Variants in RNF17 observed in about 807,000 individuals in gnomAD.
RNF17 encodes ring finger protein 17.
A neutral mutation model predicts 200.5 loss-of-function variants in RNF17; 31 were observed. The observed-to-expected ratio is 0.15, with a 90% CI of 0.12 to 0.21. The LOEUF is 0.21. Ranked by LOEUF, RNF17 falls within the 10% of genes least tolerant of loss-of-function variation. The probability of loss-of-function intolerance (pLI) is 1.00; values close to 1 mark genes in which losing one functional copy is unlikely to be tolerated. For missense variants in RNF17, 1,628 were observed against 1,905.1 expected (o/e 0.85, Z 2.71); for synonymous variants, 606 against 637.8 (o/e 0.95, Z 0.75).
At chr13:24,813,961 C>T (rs1409778515) in intron 15 of RNF17, among the ~76,000 whole-genome samples, 1 of 151,638 alleles carries the variant, frequency 6.6e-6, no homozygotes, top group African/African-American at 2.4e-5. Flanking sequence ...GACACTCAGT[C>T]TGCGTTTATC....
At chr13:24,863,671 C>T (rs17081281) in intron 28 of RNF17, among the ~76,000 whole-genome samples, 6,654 of 152,250 alleles carry the variant, frequency 0.044, 457 homozygotes, top group African/African-American at 0.15. Context: ...TACTAAGAGT[C>T]CCTCCCTAGT....
rs1351993035 is a variant in RNF17 at position 24,879,231 on chromosome 13, G to A, written c.4818G>A (p.Gln1606=). 11 of 1,613,714 alleles carry A rather than the reference G, an allele frequency of 6.8e-6. No homozygotes were observed. Among genetic ancestry groups the A allele is most frequent in the Admixed American group, 1.7e-5 (1 of 59,994 alleles). ...EQIVTLYDDE[Q]HPVHMPLVEM... is the part of the protein sequence containing the mutation. The stretch of plus-strand genomic sequence containing the variant: ...TAGTGACATTATATGACGATGAACA[G>A]CATCCAGTTCATATGCCGTTGGTAG... The change falls in exon 35 of 36, where the codon CAG becomes CAA. Residue 1606 remains glutamine, a synonymous_variant. Coordinates refer to ENST00000255324, the MANE Select transcript of RNF17 (RefSeq NM_031277.3).
intron 23 of RNF17, among the ~76,000 whole-genome samples, chr13:24,850,833 T>C (rs1051145135): frequency 1.3e-5 from 2 of 152,352 alleles, no homozygotes; most frequent in Admixed American, 1.3e-4. Context: ...TGCAAAAGAA[T>C]AAAGAAACTT....
At chr13:24,765,901 T>G (rs570364733) in intron 1 of RNF17, among the ~76,000 whole-genome samples, 1 of 152,338 alleles carries the variant, frequency 6.6e-6, no homozygotes, top group South Asian at 2.1e-4. Flanking sequence ...GTATTTCAGT[T>G]GGATAGGAAA....
At chr13:24,754,880 A>AGT in the RNF17 span, among the ~76,000 whole-genome samples, 1 of 151,418 alleles carries the variant, frequency 6.6e-6, no homozygotes, top group African/African-American at 2.4e-5. Flanking sequence ...TGGGTGACAG[A>AGT]GTAAGACCCT....
chr13:24,813,659 C>T (rs1887029824), intron 15 of RNF17, among the ~76,000 whole-genome samples: 1 of 151,816 alleles, frequency 6.6e-6, no homozygotes, highest in Non-Finnish European at 1.5e-5. Context: ...GAGACAAGGT[C>T]CAGCACTGTT....
At position 24,779,742 on chromosome 13, in the gene RNF17, G is replaced by C; in HGVS notation, c.505G>C (p.Gly169Arg). 1 of 1,610,974 alleles carries C rather than the reference G, an allele frequency of 6.2e-7. No homozygotes were observed. Among genetic ancestry groups the C allele is most frequent in the African/African-American group, 1.3e-5 (1 of 74,972 alleles). The change falls in exon 5 of 36, where the codon GGA becomes CGA. Residue 169 changes from glycine to arginine, a missense_variant. Transcript: ENST00000255324. ...TAGTTTCGAACAGTTAAGCATTGCT[G>C]GAAAAGTAAGCACTTTGCAGGATTA... Reference protein sequence around the residue: ...HHSFEQLSIAGKALEHMQKQT... With the variant: ...HHSFEQLSIARKALEHMQKQT...
intron 33 of RNF17, among the ~76,000 whole-genome samples, chr13:24,876,385 G>A (rs557078837): frequency 6.6e-6 from 1 of 152,092 alleles, no homozygotes; most frequent in East Asian, 1.9e-4. Context: ...ATGCTTCTGC[G>A]AACACGGGTA....
chr13:24,834,649 A>G (rs1450685563), intron 18 of RNF17, among the ~76,000 whole-genome samples: 1 of 152,140 alleles, frequency 6.6e-6, no homozygotes, highest in Non-Finnish European at 1.5e-5. Flanking sequence ...CCAGCGAAAT[A>G]TAGGGGTAGA....
At chr13:24,833,834 C>T (rs1889682874) in intron 18 of RNF17, among the ~76,000 whole-genome samples, 1 of 152,142 alleles carries the variant, frequency 6.6e-6, no homozygotes, top group African/African-American at 2.4e-5. Context: ...TTAATACGTG[C>T]TGTGTTACCT....
At chr13:24,830,864 G>T (rs1889310105) in intron 17 of RNF17, among the ~76,000 whole-genome samples, 1 of 152,178 alleles carries the variant, frequency 6.6e-6, no homozygotes, top group South Asian at 2.1e-4. Flanking sequence ...ATCATATATT[G>T]TGGTAAGAGT....
intron 9 of RNF17, among the ~76,000 whole-genome samples, chr13:24,790,008 A>G (rs534821452): frequency 6.6e-6 from 1 of 152,282 alleles, no homozygotes; most frequent in South Asian, 2.1e-4. Flanking sequence ...AGCATTGAAC[A>G]CTGCTAGGCA....
intron 15 of RNF17, among the ~76,000 whole-genome samples, chr13:24,821,888 A>G (rs978709931): frequency 6.6e-6 from 1 of 152,150 alleles, no homozygotes; most frequent in African/African-American, 2.4e-5. Flanking sequence ...TTTCTTTGTC[A>G]TCTCGCACGA....
chr13:24,839,137 G>T lies in RNF17; in HGVS notation c.2483-2904G>T, dbSNP rs188056016. Reference sequence around the variant, plus strand: ...CAAGAAGTCAAAAGACCTCTAGAAGGAAAACTACAAAACACTGCTGAAAGA... The same window carrying T: ...CAAGAAGTCAAAAGACCTCTAGAAGTAAAACTACAAAACACTGCTGAAAGA... On this transcript the variant is annotated intron_variant, in intron 18 of 35. Coordinates refer to ENST00000255324, the MANE Select transcript of RNF17 (RefSeq NM_031277.3). Among the ~76,000 whole-genome samples the T allele has an allele frequency of 1.5e-3, 223 of 152,192 alleles. 1 individual carries two copies. Among genetic ancestry groups the T allele is most frequent in the African/African-American group, 5.2e-3 (216 of 41,546 alleles).
intron 2 of RNF17, among the ~76,000 whole-genome samples, chr13:24,771,035 C>T (rs549087609): frequency 6.6e-6 from 1 of 152,304 alleles, no homozygotes; most frequent in South Asian, 2.1e-4. Context: ...TGAAGTTGAG[C>T]AACTTTTCAT....
chr13:24,866,329 A>T, intron 30 of RNF17, 126 bp downstream of exon 30: 1 of 558,170 alleles, frequency 1.8e-6, no homozygotes. Context: ...TTACCTATTG[A>T]ATATACAGTT....
At chr13:24,806,714 T>G (rs1024070547) in intron 15 of RNF17, among the ~76,000 whole-genome samples, 1 of 151,804 alleles carries the variant, frequency 6.6e-6, no homozygotes, top group Non-Finnish European at 1.5e-5. Flanking sequence ...TAGTTACATA[T>G]GTATACATGT....
intron 27 of RNF17, 27 bp downstream of exon 27, chr13:24,861,414 ATTAATT>A: frequency 7.2e-7 from 1 of 1,386,068 alleles, no homozygotes; most frequent in Non-Finnish European, 9.6e-7. Context: ...TTGTGGAATG[ATTAATT>A]TTAAATATTA....
At chr13:24,819,688 A>G (rs933140741) in intron 15 of RNF17, among the ~76,000 whole-genome samples, 1 of 152,212 alleles carries the variant, frequency 6.6e-6, no homozygotes, top group African/African-American at 2.4e-5. Context: ...ATTAATCTCT[A>G]TACTGTGTGC....
Sources: gnomAD v4.1 joint callset for allele counts (sites outside exome capture counted in the v4.1 genomes callset) on GRCh38, gnomAD v4.1.1 for gene constraint, MANE v1.5 for transcripts, NCBI Gene and HGNC (gene_info 2026-07-23, HGNC 2026-07-21) for gene names.